The following SYTL5 variants were observed in gnomAD, a reference collection of about 807,000 sequenced individuals.
SYTL5 encodes synaptotagmin-like protein 5.
In SYTL5, 34 loss-of-function variants were observed where a neutral mutation model predicts 55.9. The observed-to-expected ratio is 0.61, with a 90% confidence interval of 0.46 to 0.81. The LOEUF is 0.81. Ranked by LOEUF, SYTL5 falls within the 30% of genes least tolerant of loss-of-function variation. The pLI is 0.00. For missense variants in SYTL5, 637 were observed against 546.7 expected (o/e 1.17, Z -1.65); for synonymous variants, 221 against 188.7 (o/e 1.17, Z -1.40).
chrX:38,089,109 G>A (rs1936731844), intron 6 of SYTL5, among the ~76,000 whole-genome samples: 1 of 112,186 alleles, frequency 8.9e-6, no homozygotes, highest in Admixed American at 9.5e-5. Flanking sequence ...GACAAGGTAA[G>A]CAAAGGCCTC....
chrX:38,084,220 C>T (rs1602380137), intron 6 of SYTL5, among the ~76,000 whole-genome samples: 1 of 112,364 alleles, frequency 8.9e-6, no homozygotes, highest in East Asian at 2.8e-4. Flanking sequence ...GATAGCCACA[C>T]ATGTGGAGGT....
intron 1 of SYTL5, among the ~76,000 whole-genome samples, chrX:38,028,737 A>G (rs1934860413): frequency 9.0e-6 from 1 of 111,462 alleles, no homozygotes; most frequent in Non-Finnish European, 1.9e-5. Flanking sequence ...ATAATCCCCA[A>G]TGTTATCAGA....
the SYTL5 span, among the ~76,000 whole-genome samples, chrX:37,910,200 A>C: frequency 9.0e-6 from 1 of 111,653 alleles, no homozygotes; most frequent in Non-Finnish European, 1.9e-5. Context: ...TGGAGGCAGG[A>C]AGTCCAAGAT....
intron 13 of SYTL5, among the ~76,000 whole-genome samples, chrX:38,113,020 A>G (rs1937397397): frequency 8.9e-6 from 1 of 112,181 alleles, no homozygotes; most frequent in African/African-American, 3.2e-5. Context: ...ATGGTGCCTT[A>G]TTGCTTATTG....
intron 14 of SYTL5, among the ~76,000 whole-genome samples, chrX:38,120,943 A>G (rs1320469788): frequency 9.0e-6 from 1 of 111,672 alleles, no homozygotes; most frequent in Non-Finnish European, 1.9e-5. Context: ...AAGAAATACC[A>G]AGACTAGGTA....
the SYTL5 span, among the ~76,000 whole-genome samples, chrX:37,968,688 C>T: frequency 1.8e-5 from 2 of 111,495 alleles, no homozygotes; most frequent in East Asian, 2.8e-4. Context: ...GAGAGTTGGG[C>T]AGTCCCCTTC....
the SYTL5 span, among the ~76,000 whole-genome samples, chrX:37,965,665 T>G: frequency 8.9e-6 from 1 of 112,256 alleles, no homozygotes; most frequent in Non-Finnish European, 1.9e-5. Context: ...TGATATTGAT[T>G]TTTTCGTTTG....
the SYTL5 span, among the ~76,000 whole-genome samples, chrX:37,945,706 C>T: frequency 8.9e-6 from 1 of 111,857 alleles, no homozygotes; most frequent in African/African-American, 3.3e-5. Flanking sequence ...TTCGCATCAG[C>T]AAGTCTGTTG....
intron 6 of SYTL5, among the ~76,000 whole-genome samples, chrX:38,084,591 G>T (rs1409640373): frequency 9.0e-6 from 1 of 110,722 alleles, no homozygotes; most frequent in East Asian, 2.8e-4. Context: ...TTGGTGTGTG[G>T]GGAAAAACCC....
At chrX:37,912,489 G>A in the SYTL5 span, among the ~76,000 whole-genome samples, 24 of 111,461 alleles carry the variant, frequency 2.2e-4, no homozygotes, top group African/African-American at 5.2e-4. Flanking sequence ...TTACTAAGCC[G>A]CCACTCTAGC....
intron 13 of SYTL5, 77 bp downstream of exon 13, chrX:38,110,559 A>T: frequency 1.2e-6 from 1 of 840,960 alleles, no homozygotes; most frequent in Non-Finnish European, 1.6e-6. Context: ...GACCTAAAGA[A>T]CTTGAAGACT....
the SYTL5 span, among the ~76,000 whole-genome samples, chrX:37,986,482 G>A: frequency 6.2e-5 from 7 of 112,195 alleles, no homozygotes; most frequent in East Asian, 2.8e-4. Context: ...TAACATAACC[G>A]ATTAGGTCAG....
intron 1 of SYTL5, among the ~76,000 whole-genome samples, chrX:38,032,925 A>G (rs750355763): frequency 1.8e-5 from 2 of 110,975 alleles, no homozygotes; most frequent in Non-Finnish European, 3.8e-5. Context: ...GGGTCTCACT[A>G]TGTTGCCCAG....
intron 13 of SYTL5, among the ~76,000 whole-genome samples, chrX:38,117,807 T>C: frequency 8.9e-6 from 1 of 112,060 alleles, no homozygotes; most frequent in Non-Finnish European, 1.9e-5. Flanking sequence ...CTTTAGCCTC[T>C]CTTAGTACGA....
the SYTL5 span, among the ~76,000 whole-genome samples, chrX:37,917,878 T>C: frequency 1.8e-5 from 2 of 112,208 alleles, no homozygotes; most frequent in African/African-American, 3.2e-5. Context: ...AGGTTAATCA[T>C]AGAATTCTTA....
At chrX:38,036,110 A>G (rs780859081) in intron 2 of SYTL5, among the ~76,000 whole-genome samples, 1 of 110,202 alleles carries the variant, frequency 9.1e-6, no homozygotes, top group African/African-American at 3.3e-5. Context: ...GTTTGAGACC[A>G]GCCTGGCCAA....
intron 3 of SYTL5, among the ~76,000 whole-genome samples, chrX:38,066,773 T>C (rs1569174684): frequency 9.0e-6 from 1 of 111,617 alleles, no homozygotes; most frequent in Non-Finnish European, 1.9e-5. Flanking sequence ...CAAGTATGAG[T>C]TCTCTTCAGA....
At chrX:37,963,164 A>C in the SYTL5 span, among the ~76,000 whole-genome samples, 39 of 111,306 alleles carry the variant, frequency 3.5e-4, no homozygotes, top group African/African-American at 1.3e-3. Flanking sequence ...ATTTCTAAGT[A>C]TTTTATTCAC....
At chrX:37,988,505 G>A in the SYTL5 span, among the ~76,000 whole-genome samples, 1 of 112,439 alleles carries the variant, frequency 8.9e-6, no homozygotes, top group Non-Finnish European at 1.9e-5. Flanking sequence ...ATCTAAAAAT[G>A]TGGAAGTGGC....
Sources: allele counts gnomAD v4.1 joint callset (sites outside exome capture counted in the v4.1 genomes callset), GRCh38; gene constraint gnomAD v4.1.1; transcripts MANE v1.5; gene names NCBI Gene and HGNC (gene_info 2026-07-23, HGNC 2026-07-21).